Variants in COMMD7 observed in about 807,000 individuals in gnomAD.
COMMD7 encodes the protein COMM domain-containing protein 7.
COMMD7 carries 28 observed loss-of-function variants against 34.8 expected under a neutral mutation model. The ratio of observed to expected loss-of-function variants is 0.80; its 90% confidence interval spans 0.60 to 1.10. COMMD7 has a LOEUF of 1.10. Ranked by LOEUF, COMMD7 falls within the 50% of genes least tolerant of loss-of-function variation. The probability of loss-of-function intolerance (pLI) is 0.00; values close to 1 mark genes in which losing one functional copy is unlikely to be tolerated. For synonymous variants in COMMD7, 80 were observed against 86.4 expected, an observed-to-expected ratio of 0.93 and a Z score of 0.41; for missense variants, 211 against 241.6, an observed-to-expected ratio of 0.87 and a Z score of 0.84.
At chr20:32,731,616 C>G (rs1428080219) in intron 1 of COMMD7, among the ~76,000 whole-genome samples, 1 of 152,200 alleles carries the variant, frequency 6.6e-6, no homozygotes, top group Admixed American at 6.6e-5. Context: ...CTGAGGCTCC[C>G]TGGGGCCACC....
chr20:32,738,438 T>C (rs1196780910), intron 1 of COMMD7, among the ~76,000 whole-genome samples: 1 of 152,012 alleles, frequency 6.6e-6, no homozygotes, highest in Non-Finnish European at 1.5e-5. Context: ...AATACAAACA[T>C]GAGCCGGGCA....
At chr20:32,708,614 CTTTA>C (rs983110506) in intron 3 of COMMD7, among the ~76,000 whole-genome samples, 6 of 151,010 alleles carry the variant, frequency 4.0e-5, no homozygotes, top group African/African-American at 1.5e-4. Context: ...AAACCCAATG[CTTTA>C]TTTGACAATC....
rs549919679 is a variant in COMMD7 at position 32,734,049 on chromosome 20, G to A, written c.85-5907C>T. Reference sequence around the variant, plus strand: ...TAAAAAAATTAGCCAAGCGTGGTAGGGGGCGCCTATAGTCCCAGCTACAGG... The same window carrying A: ...TAAAAAAATTAGCCAAGCGTGGTAGAGGGCGCCTATAGTCCCAGCTACAGG... On this transcript the variant is annotated intron_variant, in intron 1 of 8. Coordinates refer to ENST00000278980, the MANE Select transcript of COMMD7 (RefSeq NM_053041.3). Among the ~76,000 whole-genome samples the A allele has an allele frequency of 7.3e-5, 11 of 150,088 alleles. No individual in the cohort carries two copies. The East Asian group carries it at 2.2e-3, about 30-fold the overall frequency.
intron 1 of COMMD7, among the ~76,000 whole-genome samples, chr20:32,732,229 C>G (rs956674038): frequency 1.3e-5 from 2 of 152,092 alleles, no homozygotes; most frequent in African/African-American, 4.8e-5. Flanking sequence ...AGATTACAGG[C>G]ACATGCCACC....
chr20:32,717,940 A>G (rs1243990195), intron 3 of COMMD7, among the ~76,000 whole-genome samples: 3 of 151,740 alleles, frequency 2.0e-5, no homozygotes, highest in Admixed American at 6.6e-5. Flanking sequence ...AAAAAAAAAA[A>G]GAGCCTGGCG....
chr20:32,703,485 T>C, intron 8 of COMMD7, 27 bp from the exon 9 acceptor site: 1 of 1,605,928 alleles, frequency 6.2e-7, no homozygotes, highest in Non-Finnish European at 8.5e-7. Context: ...CAGCTTCAGA[T>C]AAATGTTTCC....
chr20:32,713,676 G>A (rs1390722909), intron 3 of COMMD7, among the ~76,000 whole-genome samples: 2 of 152,162 alleles, frequency 1.3e-5, no homozygotes, highest in Non-Finnish European at 2.9e-5. Context: ...CACATTTACT[G>A]AGCACTGCCA....
intron 1 of COMMD7, among the ~76,000 whole-genome samples, chr20:32,733,938 G>A (rs910577464): frequency 4.6e-5 from 7 of 151,148 alleles, no homozygotes; most frequent in Non-Finnish European, 7.4e-5. Flanking sequence ...CAATACTTAG[G>A]GAGGCCGAGG....
At chr20:32,718,552 A>C (rs1984952539) in intron 3 of COMMD7, among the ~76,000 whole-genome samples, 1 of 151,762 alleles carries the variant, frequency 6.6e-6, no homozygotes, top group South Asian at 2.1e-4. Flanking sequence ...ACAAAAAATC[A>C]GCTGGGCGTG....
In COMMD7 at chr20:32,736,443, G is replaced by A. The variant is rs559407411; in HGVS notation, c.84+6865C>T. ...CCCAGCACTTTGGGAGGCTGAGGCC[G>A]GCGGATCACAAGGTCAGGCGATTGA... On this transcript the variant is annotated intron_variant, in intron 1 of 8. Transcript: ENST00000278980. Among the ~76,000 whole-genome samples the A allele has an allele frequency of 6.6e-5, 10 of 152,154 alleles. No homozygotes were observed. The Middle Eastern group carries it at 0.01, about 155-fold the overall frequency.
chr20:32,741,015 C>T (rs191134755), intron 1 of COMMD7, among the ~76,000 whole-genome samples: 4 of 151,542 alleles, frequency 2.6e-5, no homozygotes, highest in East Asian at 2.0e-4. Context: ...TGGTGGTGCA[C>T]GCCTGTAGTC....
intron 5 of COMMD7, among the ~76,000 whole-genome samples, chr20:32,705,304 A>G (rs1983997290): frequency 6.7e-6 from 1 of 150,230 alleles, no homozygotes; most frequent in Non-Finnish European, 1.5e-5. Flanking sequence ...GAAAGGAGGC[A>G]TATATATGTG....
chr20:32,721,343 C>T (rs1482424976), intron 3 of COMMD7, among the ~76,000 whole-genome samples: 1 of 152,168 alleles, frequency 6.6e-6, no homozygotes, highest in African/African-American at 2.4e-5. Flanking sequence ...GGCACAGTGG[C>T]TCACATCTAT....
chr20:32,703,424 G>C lies in COMMD7; in HGVS notation c.561C>G (p.His187Gln), dbSNP rs200667336. 6.2e-7 allele frequency: 1 copy of C among 1,614,006 alleles called. No homozygotes were observed. The stretch of plus-strand genomic sequence containing the variant: ...TGCTGGTTCTGACTCGCTCCATCTC[G>C]TGCAGGAAGCTGTAGAACTGAGGCA... ...LTLPQFYSFLHEMERVRTSME... is the reference protein window; with the variant it reads ...LTLPQFYSFLQEMERVRTSME... Residue 187 changes from histidine to glutamine, a missense_variant, in exon 9 of 9, where the codon CAC (histidine) becomes CAG (glutamine). By Grantham distance (24) the His-to-Gln change is conservative. Coordinates refer to ENST00000278980, the MANE Select transcript of COMMD7 (RefSeq NM_053041.3).
intron 3 of COMMD7, among the ~76,000 whole-genome samples, chr20:32,716,472 A>G (rs1183443242): frequency 1.3e-5 from 2 of 152,018 alleles, no homozygotes; most frequent in Admixed American, 6.6e-5. Flanking sequence ...AAAATTAGCC[A>G]GGCGTGGTGG....
chr20:32,704,952 C>G (rs1232217117), intron 5 of COMMD7, 48 bp from the exon 6 acceptor site: 1 of 1,290,372 alleles, frequency 7.7e-7, no homozygotes, highest in Admixed American at 1.7e-5. Context: ...GAAAATCTCC[C>G]CCTCTCCATC....
chr20:32,734,466 C>T (rs11167175), intron 1 of COMMD7, among the ~76,000 whole-genome samples: 36,162 of 150,980 alleles, frequency 0.24, 4,745 homozygotes, highest in Non-Finnish European at 0.31. Flanking sequence ...AGCTTGACTC[C>T]GTCTCAAAAC....
rs1268917477 is a variant in COMMD7 at position 32,727,950 on chromosome 20, G to A, written c.184C>T (p.Gln62Ter). 6.2e-7 allele frequency: 1 copy of A among 1,614,148 alleles called. No homozygotes were observed. Among genetic ancestry groups the A allele is most frequent in the Non-Finnish European group, 8.5e-7 (1 of 1,180,012 alleles). ...CTTCTGAGGGAGCCAAGACTGATCT[G>A]ATTGGTGGTGGCAAATTCAGAGAGC... ...AQLSEFATTN[Q>*]ISLGSLRSIV... Residue 62 changes from glutamine (Q) to a stop codon, truncating the protein, a stop_gained, in exon 3 of 9, where the codon CAG becomes TAG. Transcript: ENST00000278980. LOFTEE classifies it high-confidence loss of function.
At chr20:32,720,977 G>A (rs1985117957) in intron 3 of COMMD7, among the ~76,000 whole-genome samples, 1 of 152,160 alleles carries the variant, frequency 6.6e-6, no homozygotes, top group Non-Finnish European at 1.5e-5. Flanking sequence ...ATCTATTAGA[G>A]CCATGAGACA....
Sources: allele counts gnomAD v4.1 joint callset (sites outside exome capture counted in the v4.1 genomes callset), GRCh38; gene constraint gnomAD v4.1.1; transcripts MANE v1.5; gene names NCBI Gene and HGNC (gene_info 2026-07-23, HGNC 2026-07-21).